Variants in DBT observed in about 807,000 individuals in gnomAD.
DBT encodes lipoamide acyltransferase component of branched-chain alpha-keto acid dehydrogenase complex, mitochondrial.
In DBT, 40 loss-of-function variants were observed where a neutral mutation model predicts 51.3. The observed-to-expected ratio is 0.78, with a 90% CI of 0.61 to 1.02. The LOEUF (loss-of-function observed/expected upper bound fraction) is 1.02, where lower values mean the gene tolerates loss of function less well. DBT is among the 50% of genes least tolerant of loss of function. The pLI, the probability that DBT is intolerant of heterozygous loss-of-function variation, is 0.00. For synonymous variants in DBT, 181 were observed against 190.4 expected (o/e 0.95, Z 0.41); for missense variants, 510 against 580.2 (o/e 0.88, Z 1.24).
At chr1:100,240,633 G>A (rs1027590847) in intron 2 of DBT, 128 bp downstream of exon 2, 4 of 766,508 alleles carry the variant, frequency 5.2e-6, no homozygotes, top group South Asian at 4.6e-5. Context: ...GGGGAGATGG[G>A]AAGGGCCCGG....
intron 2 of DBT, among the ~76,000 whole-genome samples, chr1:100,236,306 T>C (rs1663865374): frequency 6.6e-6 from 1 of 152,230 alleles, no homozygotes; most frequent in Non-Finnish European, 1.5e-5. Flanking sequence ...ATGGTAATTA[T>C]TCTCAAAAGA....
At chr1:100,214,228 A>C (rs1662349518) in intron 7 of DBT, among the ~76,000 whole-genome samples, 1 of 152,232 alleles carries the variant, frequency 6.6e-6, no homozygotes, top group Non-Finnish European at 1.5e-5. Flanking sequence ...GTTCAAACCA[A>C]GACTTGGTTG....
intron 7 of DBT, chr1:100,213,297 A>G (rs113694241): frequency 2.1e-6 from 3 of 1,437,500 alleles, no homozygotes; most frequent in Non-Finnish European, 2.7e-6. Context: ...GCCGCCATGG[A>G]CCACAAGACT....
rs191336838 is a variant in DBT, at chr1:100,201,658, A to C, written c.1281+4572T>G. Among the ~76,000 whole-genome samples, 722 of 152,334 alleles carry C rather than the reference A, an allele frequency of 4.7e-3. 10 individuals are homozygous for C. Among genetic ancestry groups the C allele is most frequent in the African/African-American group, 0.016 (682 of 41,572 alleles). ...AAATGTTAAGGGCAACCAGAGACAA[A>C]GGTCGGGTTACCCACAAAGGGAAGC... On this transcript the variant is annotated intron_variant, in intron 10 of 10. Transcript: ENST00000370132.
At chr1:100,199,669 T>C (rs866234428) in intron 10 of DBT, among the ~76,000 whole-genome samples, 45 of 152,198 alleles carry the variant, frequency 3.0e-4, no homozygotes, top group African/African-American at 1.1e-3. Context: ...AGAAGGCAGG[T>C]GATTTCTGCA....
In DBT at chr1:100,206,612, T is replaced by C; in HGVS notation, c.1042A>G (p.Met348Val). Reference protein sequence around the residue: ...YKASHNIGIAMDTEQGLIVPN... With the variant: ...YKASHNIGIAVDTEQGLIVPN... ...ACAATCAAACCCTGCTCAGTATCCA[T>C]TGCTATCCCAATGTTATGAGAAGCC... Residue 348 changes from methionine (M) to valine (V), a missense_variant, in exon 9 of 11, where the codon ATG (methionine) becomes GTG (valine). Coordinates refer to ENST00000370132, the MANE Select transcript of DBT (RefSeq NM_001918.5). 1.9e-6 allele frequency: 3 copies of C among 1,609,946 alleles called. No homozygotes were observed. Among genetic ancestry groups the C allele is most frequent in the South Asian group, 1.1e-5 (1 of 90,990 alleles).
chr1:100,220,474 A>G (rs778959666), intron 4 of DBT, among the ~76,000 whole-genome samples: 2 of 152,216 alleles, frequency 1.3e-5, no homozygotes, highest in Non-Finnish European at 1.5e-5. Flanking sequence ...TGCAACCGTG[A>G]TAAGATAGTC....
intron 10 of DBT, among the ~76,000 whole-genome samples, chr1:100,201,189 C>T (rs974258556): frequency 1.3e-5 from 2 of 151,996 alleles, no homozygotes; most frequent in Admixed American, 6.6e-5. Context: ...CTAGAATAAC[C>T]AGTTTAGAGA....
intron 1 of DBT, among the ~76,000 whole-genome samples, chr1:100,243,643 A>G (rs1242829416): frequency 1.3e-5 from 2 of 152,072 alleles, no homozygotes; most frequent in Admixed American, 6.6e-5. Context: ...CTTTACATTT[A>G]CAATTTCCCT....
At position 100,195,523 on chromosome 1, in the gene DBT, G is replaced by T. The variant is rs1661037741; in HGVS notation, c.*732C>A. On this transcript the variant is annotated 3_prime_UTR_variant, in exon 11 of 11. Transcript: ENST00000370132. Reference sequence around the variant, plus strand: ...TTGCACTTATTTCATACAACAATTAGCATAATAACGGAAATGGAAAATATT... The same window carrying T: ...TTGCACTTATTTCATACAACAATTATCATAATAACGGAAATGGAAAATATT... 1 of 152,072 alleles carries T rather than the reference G, an allele frequency of 6.6e-6. No homozygotes were observed. Among genetic ancestry groups the T allele is most frequent in the African/African-American group, 2.4e-5 (1 of 41,370 alleles). The allele number at this position is 152,072 out of a possible 1,614,324, so 9.4% of individuals were successfully genotyped here. A position where few individuals can be genotyped will look rare whatever the true frequency, so the allele number is the denominator to read the frequency against.
At chr1:100,207,494 A>G (rs1661856551) in intron 8 of DBT, among the ~76,000 whole-genome samples, 1 of 152,100 alleles carries the variant, frequency 6.6e-6, no homozygotes, top group South Asian at 2.1e-4. Context: ...TAATCATATC[A>G]GAGCCCATCA....
intron 10 of DBT, chr1:100,197,162 G>A (rs936004625): frequency 3.3e-5 from 5 of 152,322 alleles, no homozygotes; most frequent in African/African-American, 1.2e-4. Context: ...AAATCATGCT[G>A]TCAAACTGCT....
At chr1:100,243,834 T>C (rs554552733) in intron 1 of DBT, among the ~76,000 whole-genome samples, 1 of 151,684 alleles carries the variant, frequency 6.6e-6, no homozygotes, top group Non-Finnish European at 1.5e-5. Flanking sequence ...TTACAACGTA[T>C]GTGAGAAAAT....
rs1047385532 is a variant in DBT, at chr1:100,192,407, A to T, written c.*3848T>A. ...TAATAAATAAGTGCAGAATGAACTA[A>T]CTAATCACTTACAGCCTGAATTTTA... On this transcript the variant is annotated 3_prime_UTR_variant, in exon 11 of 11. Transcript: ENST00000370132. 8 of 152,252 alleles carry T rather than the reference A, an allele frequency of 5.3e-5. No homozygotes were observed. Among genetic ancestry groups the T allele is most frequent in the African/African-American group, 1.9e-4 (8 of 41,470 alleles). 9.4% of individuals were successfully genotyped at this position (152,252 alleles called of 1,614,324 possible).
chr1:100,212,620 G>C (rs1164202220), intron 7 of DBT, among the ~76,000 whole-genome samples: 1 of 152,214 alleles, frequency 6.6e-6, no homozygotes, highest in Non-Finnish European at 1.5e-5. Flanking sequence ...CAGTAAGTGA[G>C]TAAGTGAAGA....
At chr1:100,210,664 A>G in intron 8 of DBT, 30 bp downstream of exon 8, 1 of 1,612,770 alleles carries the variant, frequency 6.2e-7, no homozygotes, top group Non-Finnish European at 8.5e-7. Flanking sequence ...TCTATTAATA[A>G]TAAGAACATT....
intron 4 of DBT, among the ~76,000 whole-genome samples, chr1:100,225,826 C>CAAAAA (rs71084809): frequency 6.2e-3 from 515 of 83,066 alleles, no homozygotes; most frequent in Middle Eastern, 0.023. Flanking sequence ...CTCCATCTCA[C>CAAAAA]AAAAAAAAAA....
chr1:100,243,556 A>G (rs114464571), intron 1 of DBT, among the ~76,000 whole-genome samples: 139 of 152,200 alleles, frequency 9.1e-4, no homozygotes, highest in African/African-American at 3.2e-3. Context: ...TCCTCAGCTC[A>G]GGCAATCCGC....
At position 100,192,023 on chromosome 1, in the gene DBT, C is replaced by T. The variant is rs1309219881; in HGVS notation, c.*4232G>A. Reference sequence around the variant, plus strand: ...TGGGGTCGCCCAGGCTGGTCTCAAACTCTGGACTCAAGAGGCCCACCCATT... The same window carrying T: ...TGGGGTCGCCCAGGCTGGTCTCAAATTCTGGACTCAAGAGGCCCACCCATT... On this transcript the variant is annotated 3_prime_UTR_variant, in exon 11 of 11. Transcript: ENST00000370132. 6.6e-6 allele frequency: 1 copy of T among 151,468 alleles called. No individual in the cohort carries two copies. The highest frequency in any genetic ancestry group is 2.4e-5 in the African/African-American group (1 of 41,138). The allele number at this position is 151,468 out of a possible 1,614,324, so 9.4% of individuals were successfully genotyped here.
Sources: allele counts gnomAD v4.1 joint callset (sites outside exome capture counted in the v4.1 genomes callset), GRCh38; gene constraint gnomAD v4.1.1; transcripts MANE v1.5; gene names NCBI Gene and HGNC (gene_info 2026-07-23, HGNC 2026-07-21).